Variants in LDB2 observed in about 807,000 individuals in gnomAD.
LDB2 encodes the protein LIM domain-binding protein 2.
In LDB2, 12 loss-of-function variants were observed where a neutral mutation model predicts 44.3. The observed-to-expected ratio is 0.27, with a 90% CI of 0.17 to 0.44. The LOEUF (loss-of-function observed/expected upper bound fraction) is 0.44. LDB2 is among the 20% of genes least tolerant of loss of function. LDB2 has a pLI of 1.00. For synonymous variants in LDB2, 164 were observed against 174.8 expected, an observed-to-expected ratio of 0.94 and a Z score of 0.49; for missense variants, 344 against 473.5, an observed-to-expected ratio of 0.73 and a Z score of 2.54.
chr4:16,754,730 C>T (rs571883893), intron 2 of LDB2, among the ~76,000 whole-genome samples: 2 of 152,204 alleles, frequency 1.3e-5, no homozygotes, highest in African/African-American at 4.8e-5. Context: ...CAGGGTTTCA[C>T]CATATTGGTC....
chr4:16,655,895 A>ATTTTTT (rs1560775125), intron 2 of LDB2, among the ~76,000 whole-genome samples: 3 of 67,738 alleles, frequency 4.4e-5, no homozygotes, highest in Non-Finnish European at 9.5e-5. Context: ...CTGCAAGAAA[A>ATTTTTT]CTTTTTTTTT....
At chr4:16,879,810 G>A (rs182615128) in intron 1 of LDB2, among the ~76,000 whole-genome samples, 41 of 152,246 alleles carry the variant, frequency 2.7e-4, no homozygotes, top group Non-Finnish European at 1.0e-4. Context: ...AGAGGGAGTA[G>A]AGAAGTAAGG....
Position 16,557,731 on chromosome 4 carries a change from G to C in LDB2, c.615+28191C>G, listed in dbSNP as rs560095775. On this transcript the variant is annotated intron_variant, in intron 5 of 7. Coordinates refer to ENST00000304523, the MANE Select transcript of LDB2 (RefSeq NM_001290.5). ...AGAGCAGTGGTTCTCCCAGCACGCA[G>C]CTGGAGATCTGAGAATGGGCAGACT... 2.9e-3 allele frequency among the ~76,000 whole-genome samples: 445 copies of C among 152,342 alleles called. 2 individuals are homozygous for C. Among genetic ancestry groups the C allele is most frequent in the African/African-American group, 0.01 (419 of 41,582 alleles).
At chr4:16,618,169 G>C (rs1727860426) in intron 2 of LDB2, among the ~76,000 whole-genome samples, 1 of 152,080 alleles carries the variant, frequency 6.6e-6, no homozygotes, top group African/African-American at 2.4e-5. Context: ...ACTACACCTG[G>C]GGAGGAGCAG....
chr4:16,766,093 A>T (rs1027956380), intron 1 of LDB2, among the ~76,000 whole-genome samples: 2 of 152,132 alleles, frequency 1.3e-5, no homozygotes, highest in African/African-American at 2.4e-5. Flanking sequence ...TTCCTTTTCT[A>T]AAGTAATTAA....
intron 2 of LDB2, among the ~76,000 whole-genome samples, chr4:16,611,244 C>A (rs181904089): frequency 3.9e-5 from 6 of 152,172 alleles, no homozygotes; most frequent in African/African-American, 1.4e-4. Context: ...AAAACCAGTA[C>A]CAGCCACTGC....
chr4:16,750,055 A>T (rs941903342), intron 2 of LDB2, among the ~76,000 whole-genome samples: 1 of 152,160 alleles, frequency 6.6e-6, no homozygotes, highest in Non-Finnish European at 1.5e-5. Context: ...ATATGTTTTG[A>T]TATACATATA....
chr4:16,678,565 G>A (rs1746932399), intron 2 of LDB2, among the ~76,000 whole-genome samples: 1 of 152,074 alleles, frequency 6.6e-6, no homozygotes, highest in Admixed American at 6.5e-5. Flanking sequence ...GGCTACTCTT[G>A]GGCCCCCTCC....
chr4:16,811,864 A>C (rs1384091386), intron 1 of LDB2, among the ~76,000 whole-genome samples: 2 of 152,230 alleles, frequency 1.3e-5, no homozygotes, highest in African/African-American at 4.8e-5. Flanking sequence ...CTGACTATAC[A>C]GACAGAAGGA....
At chr4:16,560,856 A>C (rs1165897347) in intron 5 of LDB2, among the ~76,000 whole-genome samples, 1 of 152,158 alleles carries the variant, frequency 6.6e-6, no homozygotes, top group Non-Finnish European at 1.5e-5. Flanking sequence ...GCACATCAAA[A>C]AGCTTATCCA....
intron 5 of LDB2, among the ~76,000 whole-genome samples, chr4:16,518,428 T>G (rs78953057): frequency 0.016 from 2,447 of 152,238 alleles, 80 homozygotes; most frequent in African/African-American, 0.055. Flanking sequence ...ACTCTTTGTA[T>G]GTAGGTCTCT....
At chr4:16,775,073 A>G (rs1329190736) in intron 1 of LDB2, among the ~76,000 whole-genome samples, 1 of 152,244 alleles carries the variant, frequency 6.6e-6, no homozygotes, top group Non-Finnish European at 1.5e-5. Context: ...TTTACACAAA[A>G]TGTCCAGAAT....
At chr4:16,523,360 T>C (rs1381059804) in intron 5 of LDB2, among the ~76,000 whole-genome samples, 1 of 152,210 alleles carries the variant, frequency 6.6e-6, no homozygotes, top group Non-Finnish European at 1.5e-5. Context: ...GATTCATTCT[T>C]ACCGTAGATC....
At chr4:16,616,048 C>T (rs932851683) in intron 2 of LDB2, among the ~76,000 whole-genome samples, 4 of 152,154 alleles carry the variant, frequency 2.6e-5, no homozygotes, top group East Asian at 1.9e-4. Flanking sequence ...TTGCCTCAGG[C>T]GAACTCTACC....
At chr4:16,544,346 G>C (rs1389334328) in intron 5 of LDB2, among the ~76,000 whole-genome samples, 1 of 152,200 alleles carries the variant, frequency 6.6e-6, no homozygotes, top group African/African-American at 2.4e-5. Flanking sequence ...TGGCTTGGGG[G>C]AGTGATGGAG....
intron 2 of LDB2, among the ~76,000 whole-genome samples, chr4:16,641,285 A>C (rs28404274): frequency 6.6e-6 from 1 of 151,590 alleles, no homozygotes; most frequent in Admixed American, 6.6e-5. Context: ...CTACAAGAGG[A>C]ACAGGAAATG....
At chr4:16,705,804 A>C (rs1436172445) in intron 2 of LDB2, among the ~76,000 whole-genome samples, 1 of 152,200 alleles carries the variant, frequency 6.6e-6, no homozygotes, top group Non-Finnish European at 1.5e-5. Flanking sequence ...GTTTATAGTG[A>C]GTAATATTTA....
At chr4:16,767,110 G>A (rs1207646516) in intron 1 of LDB2, among the ~76,000 whole-genome samples, 4 of 152,086 alleles carry the variant, frequency 2.6e-5, no homozygotes, top group Admixed American at 1.3e-4. Flanking sequence ...TCTGCATCTG[G>A]TCTGATTGAT....
chr4:16,893,511 C>A (rs1580554827), intron 1 of LDB2, among the ~76,000 whole-genome samples: 2 of 150,990 alleles, frequency 1.3e-5, no homozygotes, highest in African/African-American at 2.4e-5. Flanking sequence ...CTAAGAATCC[C>A]CCTCCTCCCC....
Sources: gnomAD v4.1 joint callset for allele counts (sites outside exome capture counted in the v4.1 genomes callset) on GRCh38, gnomAD v4.1.1 for gene constraint, MANE v1.5 for transcripts, NCBI Gene and HGNC (gene_info 2026-07-23, HGNC 2026-07-21) for gene names.